The following VWA8 variants were observed in gnomAD, a reference collection of about 807,000 sequenced individuals.
VWA8 encodes von Willebrand factor A domain containing 8.
In VWA8, 221 loss-of-function variants were observed where a neutral mutation model predicts 241.5. The observed-to-expected ratio is 0.91, with a 90% CI of 0.82 to 1.02. The LOEUF is 1.02. Among genes scored for constraint, VWA8 ranks in the 50% least tolerant of loss-of-function variants. VWA8 has a pLI of 0.00. For missense variants in VWA8, 2,322 were observed against 2,328.7 expected, an observed-to-expected ratio of 1.00 and a Z score of 0.06; for synonymous variants, 852 against 827.1, an observed-to-expected ratio of 1.03 and a Z score of -0.52.
chr13:41,773,895 AT>A (rs2137924023), intron 20 of VWA8, among the ~76,000 whole-genome samples: 1 of 152,302 alleles, frequency 6.6e-6, no homozygotes, highest in East Asian at 1.9e-4. Context: ...CCAGTCTCTG[AT>A]CCTGTCATTA....
intron 20 of VWA8, among the ~76,000 whole-genome samples, chr13:41,774,023 A>G (rs1868466642): frequency 6.6e-6 from 1 of 152,188 alleles, no homozygotes; most frequent in Non-Finnish European, 1.5e-5. Context: ...GCTCAGAGAA[A>G]AAGACATTTC....
At chr13:41,692,511 T>A (rs1405302626) in intron 30 of VWA8, among the ~76,000 whole-genome samples, 3 of 152,080 alleles carry the variant, frequency 2.0e-5, no homozygotes, top group Admixed American at 6.6e-5. Flanking sequence ...AGTTTCATCA[T>A]ATAAATCCAA....
intron 12 of VWA8, among the ~76,000 whole-genome samples, chr13:41,844,666 C>G (rs1172464323): frequency 1.3e-5 from 2 of 152,038 alleles, no homozygotes; most frequent in East Asian, 3.9e-4. Flanking sequence ...GAACAAAAAT[C>G]AGTAGCATTC....
rs1364259774 is a variant in VWA8 at position 41,950,939 on chromosome 13, G to T, written c.164-926C>A. On this transcript the variant is annotated intron_variant, in intron 1 of 44. Transcript: ENST00000379310. ...CCACCTCGGCCTCCCAAAGTGCTGG[G>T]ATTACAGGTGTGAGCCTCCACACCC... 2.0e-5 allele frequency among the ~76,000 whole-genome samples: 3 copies of T among 151,834 alleles called. No homozygotes were observed. In the East Asian group the frequency reaches 5.9e-4, roughly 30 times the overall value.
intron 37 of VWA8, among the ~76,000 whole-genome samples, chr13:41,625,547 A>C (rs934851343): frequency 5.9e-5 from 9 of 152,226 alleles, no homozygotes; most frequent in Admixed American, 2.6e-4. Flanking sequence ...ATCTCACACC[A>C]GTTAGAATGG....
chr13:41,571,429 G>A (rs1352584259), intron 43 of VWA8, among the ~76,000 whole-genome samples: 3 of 151,788 alleles, frequency 2.0e-5, no homozygotes, highest in African/African-American at 4.8e-5. Flanking sequence ...CCGCCATCTC[G>A]GCTCACTGCA....
At chr13:41,709,109 G>A (rs967469129) in intron 26 of VWA8, among the ~76,000 whole-genome samples, 13 of 152,104 alleles carry the variant, frequency 8.5e-5, no homozygotes, top group Non-Finnish European at 1.8e-4. Flanking sequence ...AAAATTTCCT[G>A]TATTTCTCAC....
intron 41 of VWA8, among the ~76,000 whole-genome samples, chr13:41,587,938 T>C (rs929841584): frequency 2.6e-5 from 4 of 152,206 alleles, no homozygotes; most frequent in Non-Finnish European, 5.9e-5. Flanking sequence ...CTCACTCTAG[T>C]AAAGTTGACT....
rs1491536253 is a variant in VWA8 at position 41,783,235 on chromosome 13, T to TTA, written c.2277+558_2277+559dup. Among the ~76,000 whole-genome samples, 6 of 148,466 alleles carry TTA rather than the reference T, an allele frequency of 4.0e-5. No individual in the cohort carries two copies. In the East Asian group the frequency reaches 9.7e-4, roughly 24 times the overall value. ...TACTTAATATACTTAATATATGTAC[T>TTA]TATATATATACTTAATATATATAAA... On this transcript the variant is annotated intron_variant, in intron 19 of 44. Coordinates refer to ENST00000379310, the MANE Select transcript of VWA8 (RefSeq NM_015058.2).
intron 9 of VWA8, among the ~76,000 whole-genome samples, chr13:41,876,304 A>G (rs139893147): frequency 1.2e-3 from 180 of 152,224 alleles, no homozygotes; most frequent in Non-Finnish European, 1.6e-3. Context: ...GACTGAAAGC[A>G]GAAGTCCTTT....
Position 41,570,604 on chromosome 13 carries a change from A to AG in VWA8, c.5472dup (p.Phe1825LeufsTer7). Reference sequence around the variant, plus strand: ...TTTGCATCACTCAAGACTATGACAAAGTACTCATCAGCTTCTTCTTTGACA... The same window carrying AG: ...TTTGCATCACTCAAGACTATGACAAAGGTACTCATCAGCTTCTTCTTTGACA... On this transcript the variant is annotated frameshift_variant, in exon 44 of 45. Coordinates refer to ENST00000379310, the MANE Select transcript of VWA8 (RefSeq NM_015058.2). LOFTEE classifies it high-confidence loss of function. 1 of 1,614,238 alleles carries AG rather than the reference A, an allele frequency of 6.2e-7. No homozygotes were observed. The highest frequency in any genetic ancestry group is 8.5e-7 in the Non-Finnish European group (1 of 1,180,046).
intron 21 of VWA8, among the ~76,000 whole-genome samples, chr13:41,746,849 T>C (rs184415934): frequency 6.6e-6 from 1 of 152,328 alleles, no homozygotes; most frequent in Non-Finnish European, 1.5e-5. Context: ...TTATAGTATA[T>C]ATAGGCTGAA....
chr13:41,641,427 C>A (rs17533872), intron 37 of VWA8, among the ~76,000 whole-genome samples: 1 of 151,970 alleles, frequency 6.6e-6, no homozygotes, highest in African/African-American at 2.4e-5. Context: ...AATTGCAATG[C>A]TAGTCCCAGT....
At position 41,814,784 on chromosome 13, in the gene VWA8, G is replaced by GCA. The variant is rs1307262050; in HGVS notation, c.1947+1912_1947+1913dup. Among the ~76,000 whole-genome samples the GCA allele has an allele frequency of 2.6e-5, 4 of 152,138 alleles. No individual in the cohort carries two copies. The South Asian group carries it at 8.3e-4, about 32-fold the overall frequency. ...TAGTATTGCCAACATTTGCAACTTT[G>GCA]CACAGTAGGAACACTGTGCAAATCA... On this transcript the variant is annotated intron_variant, in intron 16 of 44. Coordinates refer to ENST00000379310, the MANE Select transcript of VWA8 (RefSeq NM_015058.2).
intron 37 of VWA8, among the ~76,000 whole-genome samples, chr13:41,661,111 A>G: frequency 6.6e-6 from 1 of 152,040 alleles, no homozygotes; most frequent in Admixed American, 6.5e-5. Flanking sequence ...TGATCCGCCC[A>G]CCTCAGCTTC....
intron 26 of VWA8, among the ~76,000 whole-genome samples, chr13:41,710,429 T>C (rs144681199): frequency 6.6e-6 from 1 of 152,294 alleles, no homozygotes; most frequent in East Asian, 1.9e-4. Flanking sequence ...TGTATCCCCA[T>C]AAATGAGCTA....
chr13:41,930,717 T>G (rs558318583), intron 2 of VWA8, among the ~76,000 whole-genome samples: 1 of 152,316 alleles, frequency 6.6e-6, no homozygotes, highest in Non-Finnish European at 1.5e-5. Context: ...AGATATACAT[T>G]AAACACAACT....
intron 19 of VWA8, among the ~76,000 whole-genome samples, chr13:41,782,822 T>C (rs1188832061): frequency 6.6e-6 from 1 of 151,938 alleles, no homozygotes; most frequent in Non-Finnish European, 1.5e-5. Flanking sequence ...AACATTTTTA[T>C]ATTATAGGTA....
chr13:41,623,410 T>C (rs970784010), intron 37 of VWA8, among the ~76,000 whole-genome samples: 1 of 152,218 alleles, frequency 6.6e-6, no homozygotes, highest in Admixed American at 6.6e-5. Context: ...AGTTAAGCCA[T>C]TGTTATTTGG....
Sources: allele counts gnomAD v4.1 joint callset (sites outside exome capture counted in the v4.1 genomes callset), GRCh38; gene constraint gnomAD v4.1.1; transcripts MANE v1.5; gene names NCBI Gene and HGNC (gene_info 2026-07-23, HGNC 2026-07-21).